ZFP64: variants seen among roughly 807,000 people sequenced by gnomAD.
ZFP64 encodes zinc finger protein 64.
A neutral mutation model predicts 51.6 loss-of-function variants in ZFP64; 14 were observed. That is an observed-to-expected ratio of 0.27 (90% CI 0.18 to 0.42). ZFP64 has a LOEUF of 0.42. ZFP64 is among the 10% of genes least tolerant of loss of function. ZFP64 has a pLI of 1.00. For missense variants in ZFP64, 754 were observed against 906.8 expected (o/e 0.83, Z 2.16); for synonymous variants, 375 against 361.4 (o/e 1.04, Z -0.43).
intron 5 of ZFP64, chr20:52,105,171 C>T (rs776074018): frequency 4.9e-6 from 7 of 1,442,980 alleles, no homozygotes; most frequent in Non-Finnish European, 6.3e-6. Context: ...TCCGCACACT[C>T]CCGGCGCGCA....
intron 2 of ZFP64, among the ~76,000 whole-genome samples, chr20:52,180,997 A>G (rs1315330137): frequency 6.6e-6 from 1 of 151,716 alleles, no homozygotes; most frequent in Non-Finnish European, 1.5e-5. Flanking sequence ...CACGATCTCC[A>G]CTCACTGCAG....
At chr20:52,187,222 G>T in intron 1 of ZFP64, 151 bp from the exon 2 acceptor site, 1 of 745,760 alleles carries the variant, frequency 1.3e-6, no homozygotes, top group East Asian at 2.8e-5. Flanking sequence ...CCTGCGAACT[G>T]CATCCTAATT....
intron 1 of ZFP64, among the ~76,000 whole-genome samples, chr20:52,190,820 TC>T (rs2032642747): frequency 6.6e-6 from 1 of 152,100 alleles, no homozygotes; most frequent in African/African-American, 2.4e-5. Context: ...GTAGATGGGT[TC>T]TCAAACTTCA....
At chr20:52,108,561 T>A (rs1433776135) in intron 5 of ZFP64, among the ~76,000 whole-genome samples, 1 of 151,446 alleles carries the variant, frequency 6.6e-6, no homozygotes, top group Non-Finnish European at 1.5e-5. Context: ...CAGGCTGGAG[T>A]GCAATGGCAC....
At chr20:52,084,863 C>A (rs375085680) in exon 9 of ZFP64, 1 of 1,613,952 alleles carries the variant, frequency 6.2e-7, no homozygotes, top group East Asian at 2.2e-5. Flanking sequence ...CCCTGTGCAC[C>A]TTGTCGACGT....
chr20:52,098,786 G>A (rs887248532), intron 5 of ZFP64, among the ~76,000 whole-genome samples: 2 of 151,914 alleles, frequency 1.3e-5, no homozygotes, highest in East Asian at 1.9e-4. Flanking sequence ...GGTGGAGCAC[G>A]AGTTCAGGAG....
chr20:52,166,616 G>A (rs6021774), intron 2 of ZFP64, among the ~76,000 whole-genome samples: 39,619 of 151,790 alleles, frequency 0.26, 5,338 homozygotes, highest in Admixed American at 0.31. Context: ...CACCATGCCC[G>A]GCTAATTTTT....
intron 7 of ZFP64, among the ~76,000 whole-genome samples, chr20:52,089,318 G>T (rs2078897549): frequency 6.6e-6 from 1 of 152,198 alleles, no homozygotes; most frequent in Non-Finnish European, 1.5e-5. Context: ...TGAAATTAGA[G>T]AAATGAAAAC....
chr20:52,183,358 G>T (rs1272987266), intron 2 of ZFP64, among the ~76,000 whole-genome samples: 5 of 152,140 alleles, frequency 3.3e-5, no homozygotes, highest in African/African-American at 1.2e-4. Context: ...CACACGCAGG[G>T]CATCCATTTT....
intron 7 of ZFP64, among the ~76,000 whole-genome samples, chr20:52,091,257 G>T (rs959992691): frequency 2.0e-5 from 3 of 151,292 alleles, no homozygotes; most frequent in Non-Finnish European, 4.4e-5. Flanking sequence ...CAGCACACTG[G>T]GAGGCCAAGG....
chr20:52,122,270 G>A (rs1979223349), intron 5 of ZFP64, among the ~76,000 whole-genome samples: 2 of 152,086 alleles, frequency 1.3e-5, no homozygotes, highest in African/African-American at 2.4e-5. Flanking sequence ...ACTTTGGGAG[G>A]CCGAGGCGGG....
At chr20:52,165,473 T>C in intron 3 of ZFP64, 1 of 464,274 alleles carries the variant, frequency 2.2e-6, no homozygotes, top group Non-Finnish European at 4.3e-6. Context: ...ATGAAGGGCA[T>C]ACAGGGATTT....
intron 7 of ZFP64, chr20:52,089,122 C>A (rs1047335080): frequency 4.2e-5 from 20 of 475,782 alleles, no homozygotes; most frequent in Admixed American, 9.0e-5. Flanking sequence ...CCAGGGACAG[C>A]AGAAGACCAC....
Position 52,181,798 on chromosome 20 carries a change from C to A in ZFP64, c.286+5034G>T, listed in dbSNP as rs572308008. Among the ~76,000 whole-genome samples the A allele has an allele frequency of 1.4e-4, 22 of 152,312 alleles. No homozygotes were observed. The South Asian group carries it at 1.9e-3, about 13-fold the overall frequency. ...GGCACCGGTATCCTTAACAAGCTCC[C>A]AGGGGATCTTGGTCCATAGGCAGGT... On this transcript the variant is annotated intron_variant, in intron 2 of 5. Coordinates refer to ENST00000216923, the MANE Select transcript of ZFP64 (RefSeq NM_018197.3).
chr20:52,130,805 G>A (rs1979687040), intron 5 of ZFP64, among the ~76,000 whole-genome samples: 1 of 152,122 alleles, frequency 6.6e-6, no homozygotes, highest in African/African-American at 2.4e-5. Context: ...GCCCAGTGTG[G>A]TGGCTCATGC....
At chr20:52,186,046 G>A (rs188732555) in intron 2 of ZFP64, among the ~76,000 whole-genome samples, 3 of 152,240 alleles carry the variant, frequency 2.0e-5, no homozygotes, top group African/African-American at 7.2e-5. Context: ...TCACATATAT[G>A]ATTCTTTTTC....
At chr20:52,097,531 T>A in intron 6 of ZFP64, 1 of 1,141,670 alleles carries the variant, frequency 8.8e-7, no homozygotes. Flanking sequence ...CTCGGCTCAC[T>A]GCAACCTCCG....
chr20:52,098,513 CAG>C lies in ZFP64; in HGVS notation c.836_837del (p.Pro279ArgfsTer54). ...CTTGCCTCTGAGGGAAGAGTGATGA[CAG>C]GGGCCTTCGGAGTGTCAGTGCTTTC... On this transcript the variant is annotated frameshift_variant, in exon 6 of 9. Coordinates refer to the ZFP64 transcript ENST00000361387. LOFTEE classifies it high-confidence loss of function. The C allele has an allele frequency of 6.2e-7, 1 of 1,614,124 alleles. No homozygotes were observed. The highest frequency in any genetic ancestry group is 8.5e-7 in the Non-Finnish European group (1 of 1,180,038).
In ZFP64 at chr20:52,191,769, A is replaced by G; in HGVS notation, c.-133T>C. 1 of 1,154,068 alleles carries G rather than the reference A, an allele frequency of 8.7e-7. No homozygotes were observed. Among genetic ancestry groups the G allele is most frequent in the Non-Finnish European group, 1.2e-6 (1 of 866,410 alleles). 71.5% of individuals were successfully genotyped at this position (1,154,068 alleles called of 1,614,324 possible). ...CTTCTCCCAACTCTGCGAGGCGGGG[A>G]GGACGGATGTAAAGCAAGCTGCACT... On this transcript the variant is annotated 5_prime_UTR_variant, in exon 1 of 6. Coordinates refer to ENST00000216923, the MANE Select transcript of ZFP64 (RefSeq NM_018197.3). The surrounding 1 kb of genome is among the most constrained non-coding windows in gnomAD (Gnocchi z 4.3).
Sources: gnomAD v4.1 joint callset for allele counts (sites outside exome capture counted in the v4.1 genomes callset) on GRCh38, gnomAD v4.1.1 for gene constraint, Gnocchi (gnomAD v3.1) non-coding constraint, MANE v1.5 for transcripts, NCBI Gene and HGNC (gene_info 2026-07-23, HGNC 2026-07-21) for gene names.